MTAP: variants seen among roughly 807,000 people sequenced by gnomAD.
MTAP encodes S-methyl-5'-thioadenosine phosphorylase.
Under a neutral mutation model 33.6 loss-of-function variants are expected in MTAP, and 33 were observed. The observed-to-expected ratio is 0.98, with a 90% CI of 0.74 to 1.31. The LOEUF is 1.31. Among genes scored for constraint, MTAP ranks in the 40% most tolerant of loss-of-function variants. MTAP has a pLI of 0.00. For synonymous variants in MTAP, 148 were observed against 125.7 expected, an observed-to-expected ratio of 1.18 and a Z score of -1.19; for missense variants, 367 against 360.0, an observed-to-expected ratio of 1.02 and a Z score of -0.16.
chr9:21,826,644 T>TATTATC (rs1824814700), intron 4 of MTAP, among the ~76,000 whole-genome samples: 2 of 132,018 alleles, frequency 1.5e-5, no homozygotes, highest in African/African-American at 2.8e-5. Context: ...TTATTATTAT[T>TATTATC]ATTATTTAAC....
intron 4 of MTAP, among the ~76,000 whole-genome samples, chr9:21,828,904 C>G (rs1035782040): frequency 1.3e-5 from 2 of 152,132 alleles, no homozygotes; most frequent in African/African-American, 4.8e-5. Flanking sequence ...GTGCTGCTGC[C>G]TTTGATTGAG....
At chr9:21,820,496 G>A (rs938218030) in intron 4 of MTAP, among the ~76,000 whole-genome samples, 4 of 152,084 alleles carry the variant, frequency 2.6e-5, no homozygotes, top group African/African-American at 9.7e-5. Context: ...TGTTCCATTG[G>A]TCTATATCTG....
chr9:21,818,313 C>G (rs1212763801), intron 4 of MTAP, 111 bp downstream of exon 4: 25 of 313,480 alleles, frequency 8.0e-5, no homozygotes, highest in East Asian at 6.0e-4. Flanking sequence ...CACAGACTCG[C>G]TTGCTTTTTT....
chr9:21,853,515 T>A (rs1434176250), intron 5 of MTAP, among the ~76,000 whole-genome samples: 1 of 152,212 alleles, frequency 6.6e-6, no homozygotes, highest in African/African-American at 2.4e-5. Flanking sequence ...AGTTATTTTT[T>A]AAGGAAATAG....
chr9:21,813,393 G>A (rs907143417), intron 1 of MTAP, among the ~76,000 whole-genome samples: 4 of 152,206 alleles, frequency 2.6e-5, no homozygotes, highest in African/African-American at 9.7e-5. Context: ...TCCTTGCTGA[G>A]GGCTGAGTTG....
Position 21,859,293 on chromosome 9 carries a change from G to T in MTAP, c.691-10G>T. 1 of 1,602,484 alleles carries T rather than the reference G, an allele frequency of 6.2e-7. No homozygotes were observed. Among genetic ancestry groups the T allele is most frequent in the Non-Finnish European group, 8.5e-7 (1 of 1,176,640 alleles). The stretch of plus-strand genomic sequence containing the variant: ...AGTTCTAGTAACCTCCAGTGCTATT[G>T]TTTCTCTAGGTTTCGGTGGACCGGG... On this transcript the variant is annotated splice_polypyrimidine_tract_variant and intron_variant, in intron 6 of 7. Coordinates refer to ENST00000644715, the MANE Select transcript of MTAP (RefSeq NM_002451.4).
intron 7 of MTAP, chr9:21,861,109 T>A (rs1035764886): frequency 6.6e-6 from 1 of 152,190 alleles, no homozygotes; most frequent in African/African-American, 2.4e-5. Context: ...TTGACCATAG[T>A]CTTTCAAAAG....
chr9:21,829,234 AC>A (rs1387496412), intron 4 of MTAP, among the ~76,000 whole-genome samples: 1 of 152,162 alleles, frequency 6.6e-6, no homozygotes, highest in African/African-American at 2.4e-5. Flanking sequence ...CAGGATTGTA[AC>A]ATCCTGTAAA....
chr9:21,814,359 C>A (rs1393356905), intron 1 of MTAP, among the ~76,000 whole-genome samples: 1 of 151,934 alleles, frequency 6.6e-6, no homozygotes, highest in African/African-American at 2.4e-5. Context: ...TTTCTTGAGG[C>A]CTACTTTATT....
intron 5 of MTAP, among the ~76,000 whole-genome samples, chr9:21,843,011 T>C (rs555254814): frequency 2.0e-5 from 3 of 152,272 alleles, no homozygotes; most frequent in Non-Finnish European, 2.9e-5. Flanking sequence ...ATCTGCAGTC[T>C]TCAGGAGAAT....
downstream of MTAP, among the ~76,000 whole-genome samples, chr9:21,871,284 T>C (rs1825933005): frequency 6.6e-6 from 1 of 152,222 alleles, no homozygotes; most frequent in Non-Finnish European, 1.5e-5. Flanking sequence ...ACTTGGCTAG[T>C]GATGTATTAG....
chr9:21,877,038 G>T (rs866544655), intron 1 of MTAP, among the ~76,000 whole-genome samples: 1 of 152,000 alleles, frequency 6.6e-6, no homozygotes, highest in Non-Finnish European at 1.5e-5. Flanking sequence ...ATTTCCTTGA[G>T]CATTGTTTTG....
intron 4 of MTAP, among the ~76,000 whole-genome samples, chr9:21,821,920 A>G (rs1028515189): frequency 2.6e-5 from 4 of 152,046 alleles, no homozygotes; most frequent in South Asian, 2.1e-4. Flanking sequence ...TTTGCATAGA[A>G]GTGTTTATAG....
chr9:21,852,488 C>T (rs113624288), intron 5 of MTAP, among the ~76,000 whole-genome samples: 36 of 136,934 alleles, frequency 2.6e-4, no homozygotes, highest in African/African-American at 6.8e-4. Flanking sequence ...CCAGCGTGGG[C>T]GACAGAGTGA....
chr9:21,935,732 A>G (rs1177348693), downstream of MTAP: 1 of 152,092 alleles, frequency 6.6e-6, no homozygotes, highest in Non-Finnish European at 1.5e-5. Flanking sequence ...GTCCCATGTC[A>G]CTGGAAGACT....
chr9:21,931,939 G>A (rs1251213740), downstream of MTAP: 1 of 152,214 alleles, frequency 6.6e-6, no homozygotes, highest in African/African-American at 2.4e-5. Flanking sequence ...CTGCTAACAG[G>A]AGGATAACTT....
intron 1 of MTAP, among the ~76,000 whole-genome samples, chr9:21,806,598 A>G (rs559627315): frequency 3.3e-5 from 5 of 152,188 alleles, no homozygotes; most frequent in Admixed American, 2.0e-4. Flanking sequence ...GGTTCACTGC[A>G]GTGAGAGATG....
intron 1 of MTAP, among the ~76,000 whole-genome samples, chr9:21,806,394 C>T (rs1268238204): frequency 6.6e-6 from 1 of 151,604 alleles, no homozygotes; most frequent in African/African-American, 2.4e-5. Context: ...TCAAAGTGGG[C>T]GATAAGGGGC....
chr9:21,869,159 C>T (rs1387419100), downstream of MTAP, among the ~76,000 whole-genome samples: 1 of 152,138 alleles, frequency 6.6e-6, no homozygotes, highest in Non-Finnish European at 1.5e-5. Context: ...TGTGCTGGCT[C>T]ATTTTTAAGC....
Sources: allele counts gnomAD v4.1 joint callset (sites outside exome capture counted in the v4.1 genomes callset), GRCh38; gene constraint gnomAD v4.1.1; transcripts MANE v1.5; gene names NCBI Gene and HGNC (gene_info 2026-07-23, HGNC 2026-07-21).